PLEKHA5: variants seen among roughly 807,000 people sequenced by gnomAD.
PLEKHA5 encodes pleckstrin homology domain containing A5, also known as pleckstrin homology domain-containing family A member 5.
A neutral mutation model predicts 181.9 loss-of-function variants in PLEKHA5; 55 were observed. The ratio of observed to expected loss-of-function variants is 0.30; its 90% confidence interval spans 0.24 to 0.38. The LOEUF (loss-of-function observed/expected upper bound fraction) is 0.38, where lower values mean the gene tolerates loss of function less well. PLEKHA5 is among the 10% of genes least tolerant of loss of function. The pLI is 1.00. For synonymous variants in PLEKHA5, 535 were observed against 529.4 expected, an observed-to-expected ratio of 1.01 and a Z score of -0.15; for missense variants, 1,432 against 1,549.5, an observed-to-expected ratio of 0.92 and a Z score of 1.27.
chr12:19,291,465 T>G (rs888420828), intron 14 of PLEKHA5, among the ~76,000 whole-genome samples, 179 bp from the exon 15 acceptor site: 2 of 152,240 alleles, frequency 1.3e-5, no homozygotes, highest in Non-Finnish European at 2.9e-5. Flanking sequence ...CAAAATATAA[T>G]TTTGTAATTT....
At chr12:19,269,145 T>A (rs1399349377) in intron 8 of PLEKHA5, among the ~76,000 whole-genome samples, 4 of 152,074 alleles carry the variant, frequency 2.6e-5, no homozygotes. Flanking sequence ...CCCAGCACTT[T>A]GGGAGGCTGA....
At chr12:19,281,408 C>G (rs1189130070) in intron 11 of PLEKHA5, among the ~76,000 whole-genome samples, 2 of 152,044 alleles carry the variant, frequency 1.3e-5, no homozygotes, top group East Asian at 3.9e-4. Context: ...AAAACCCCAT[C>G]TCTACAAAAG....
chr12:19,337,291 G>A (rs1230798893), intron 21 of PLEKHA5, among the ~76,000 whole-genome samples: 1 of 151,950 alleles, frequency 6.6e-6, no homozygotes, highest in Non-Finnish European at 1.5e-5. Context: ...AGTGGCTCAC[G>A]CCTATAGTCC....
intron 29 of PLEKHA5, among the ~76,000 whole-genome samples, chr12:19,363,064 TAA>T (rs1411010361): frequency 6.6e-6 from 1 of 152,058 alleles, no homozygotes; most frequent in East Asian, 1.9e-4. Flanking sequence ...AGCTGTCTCA[TAA>T]GAGTTCCAGA....
chr12:19,307,115 A>C, intron 15 of PLEKHA5: 1 of 928,178 alleles, frequency 1.1e-6, no homozygotes, highest in South Asian at 1.3e-5. Flanking sequence ...GTTGGTCCCA[A>C]GTTGAAGCAT....
rs373075025 is a variant in PLEKHA5 at position 19,276,813 on chromosome 12, A to G, written c.1313+1830A>G. 5.9e-5 allele frequency among the ~76,000 whole-genome samples: 9 copies of G among 152,336 alleles called. No individual in the cohort carries two copies. In the East Asian group the frequency reaches 1.7e-3, roughly 29 times the overall value. ...GTTATGTGAGGTAATACATATGTTA[A>G]TTAGCTTGGTTTAGCCATTCCACAA... is the stretch of plus-strand genomic sequence containing the variant. On this transcript the variant is annotated intron_variant, in intron 11 of 31. Coordinates refer to ENST00000429027, the MANE Select transcript of PLEKHA5 (RefSeq NM_001256470.2).
intron 3 of PLEKHA5, among the ~76,000 whole-genome samples, chr12:19,142,171 A>G (rs1565860736): frequency 1.3e-5 from 2 of 151,994 alleles, no homozygotes; most frequent in Non-Finnish European, 2.9e-5. Flanking sequence ...ACCAGCCTAC[A>G]CAACATAGTG....
intron 15 of PLEKHA5, among the ~76,000 whole-genome samples, chr12:19,312,457 A>G (rs2086900610): frequency 2.0e-5 from 3 of 152,228 alleles, no homozygotes. Context: ...TATCTTAGCT[A>G]GATCTTCTGA....
At chr12:19,189,452 G>A (rs1476776528) in intron 3 of PLEKHA5, among the ~76,000 whole-genome samples, 1 of 152,120 alleles carries the variant, frequency 6.6e-6, no homozygotes, top group Non-Finnish European at 1.5e-5. Flanking sequence ...ATAAATTGCA[G>A]CCCTGTGATT....
intron 3 of PLEKHA5, among the ~76,000 whole-genome samples, chr12:19,173,005 C>CTTTTTTTTT (rs71064064): frequency 0.13 from 4,207 of 33,598 alleles, 1,564 homozygotes; most frequent in Non-Finnish European, 0.17. Flanking sequence ...ATTTCCCTTT[C>CTTTTTTTTT]TTTTTTTTTT....
At chr12:19,340,427 C>G (rs1423914818) in intron 21 of PLEKHA5, among the ~76,000 whole-genome samples, 2 of 123,288 alleles carry the variant, frequency 1.6e-5, no homozygotes, top group Non-Finnish European at 3.9e-5. Context: ...CGCCTCTGCC[C>G]GGCCACCACC....
chr12:19,165,224 G>GA (rs1340237178), intron 3 of PLEKHA5, among the ~76,000 whole-genome samples: 2 of 152,162 alleles, frequency 1.3e-5, no homozygotes, highest in African/African-American at 4.8e-5. Flanking sequence ...GGTCTTCAAA[G>GA]AAGTGCTACA....
intron 3 of PLEKHA5, chr12:19,152,588 T>A (rs1483439291): frequency 2.0e-5 from 3 of 152,236 alleles, no homozygotes; most frequent in Admixed American, 6.5e-5. Flanking sequence ...GGTCCAATGA[T>A]ATTTTTTATA....
intron 26 of PLEKHA5, among the ~76,000 whole-genome samples, chr12:19,355,602 C>T (rs1353442006): frequency 2.0e-5 from 3 of 151,538 alleles, no homozygotes; most frequent in African/African-American, 7.3e-5. Flanking sequence ...TAAAGTACAA[C>T]TACAAAGTAC....
chr12:19,254,097 A>T, intron 4 of PLEKHA5, 74 bp downstream of exon 4: 1 of 876,854 alleles, frequency 1.1e-6, no homozygotes, highest in Non-Finnish European at 1.9e-6. Flanking sequence ...TTTATATTTC[A>T]ATTTAGCAGT....
At chr12:19,184,788 G>C (rs1410606071) in intron 3 of PLEKHA5, among the ~76,000 whole-genome samples, 3 of 152,166 alleles carry the variant, frequency 2.0e-5, no homozygotes, top group African/African-American at 7.2e-5. Context: ...GCCTGGAAAT[G>C]AATATTTGAG....
intron 25 of PLEKHA5, among the ~76,000 whole-genome samples, chr12:19,351,658 A>G (rs2094599047): frequency 1.3e-5 from 2 of 152,212 alleles, no homozygotes; most frequent in African/African-American, 4.8e-5. Flanking sequence ...AAGGAGAGAA[A>G]GATAATCCAA....
At chr12:19,243,631 G>A (rs1343721557) in intron 3 of PLEKHA5, among the ~76,000 whole-genome samples, 1 of 152,162 alleles carries the variant, frequency 6.6e-6, no homozygotes, top group East Asian at 1.9e-4. Context: ...AAGACCTTAA[G>A]GAGAATTTGT....
At chr12:19,160,728 CCTT>C (rs1205212410) in intron 3 of PLEKHA5, among the ~76,000 whole-genome samples, 7 of 152,134 alleles carry the variant, frequency 4.6e-5, no homozygotes, top group South Asian at 2.1e-4. Context: ...GCCTTTTCAG[CCTT>C]CTTTTGTCAG....
Sources: allele counts gnomAD v4.1 joint callset (sites outside exome capture counted in the v4.1 genomes callset), GRCh38; gene constraint gnomAD v4.1.1; transcripts MANE v1.5; gene names NCBI Gene and HGNC (gene_info 2026-07-23, HGNC 2026-07-21).